Variants in MAF observed in about 807,000 individuals in gnomAD.
The protein encoded by MAF is MAF bZIP transcription factor.
A neutral mutation model predicts 22.0 loss-of-function variants in MAF; 10 were observed. That is an observed-to-expected ratio of 0.45 (90% CI 0.28 to 0.77). The LOEUF (loss-of-function observed/expected upper bound fraction) is 0.77. Ranked by LOEUF, MAF falls within the 30% of genes least tolerant of loss-of-function variation. The probability of loss-of-function intolerance (pLI) is 0.12; values close to 1 mark genes in which losing one functional copy is unlikely to be tolerated. For synonymous variants in MAF, 337 were observed against 255.8 expected (o/e 1.32, Z -3.03); for missense variants, 544 against 548.4 (o/e 0.99, Z 0.08).
chr16:79,515,272 T>C, the MAF span, among the ~76,000 whole-genome samples: 9 of 152,242 alleles, frequency 5.9e-5, no homozygotes, highest in Non-Finnish European at 1.2e-4. Context: ...TGGCGATTAG[T>C]GCCACTCATC....
At chr16:79,596,446 G>T (rs1354834645) in intron 1 of MAF, 1 of 1,053,572 alleles carries the variant, frequency 9.5e-7, no homozygotes, top group South Asian at 4.6e-5. Context: ...GTTGGGCCCA[G>T]TTAAACTGTA....
the MAF span, among the ~76,000 whole-genome samples, chr16:79,223,160 A>G: frequency 9.6e-4 from 146 of 152,314 alleles, no homozygotes; most frequent in African/African-American, 3.3e-3. Flanking sequence ...GGACAACATA[A>G]CAGTCTCTCA....
At chr16:79,329,601 G>A in the MAF span, among the ~76,000 whole-genome samples, 9,394 of 152,134 alleles carry the variant, frequency 0.062, 562 homozygotes, top group African/African-American at 0.16. Context: ...GAAATATGAT[G>A]GAAGTGGTTC....
chr16:79,350,045 T>C, the MAF span, among the ~76,000 whole-genome samples: 4 of 152,196 alleles, frequency 2.6e-5, no homozygotes, highest in Non-Finnish European at 4.4e-5. Flanking sequence ...TGCCCCAGCC[T>C]GAATCACATT....
chr16:79,390,684 C>A, the MAF span, among the ~76,000 whole-genome samples: 13 of 152,230 alleles, frequency 8.5e-5, no homozygotes, highest in East Asian at 2.3e-3. Flanking sequence ...GCTGCCAGGG[C>A]ACAGGAACTG....
At chr16:79,442,717 T>C in the MAF span, among the ~76,000 whole-genome samples, 1 of 152,200 alleles carries the variant, frequency 6.6e-6, no homozygotes, top group African/African-American at 2.4e-5. Context: ...TGGCTGAATC[T>C]TTTTCATATA....
the MAF span, among the ~76,000 whole-genome samples, chr16:79,235,761 A>G: frequency 2.0e-5 from 3 of 152,074 alleles, no homozygotes; most frequent in African/African-American, 7.2e-5. Flanking sequence ...AGTAAGTATT[A>G]AAAATAATGG....
the MAF span, among the ~76,000 whole-genome samples, chr16:79,370,184 T>C: frequency 1.3e-5 from 2 of 152,180 alleles, no homozygotes; most frequent in African/African-American, 4.8e-5. Context: ...AAAGGAGTAG[T>C]CTTAATAATT....
At chr16:79,423,409 G>A in the MAF span, among the ~76,000 whole-genome samples, 12 of 152,292 alleles carry the variant, frequency 7.9e-5, no homozygotes, top group African/African-American at 2.4e-4. Flanking sequence ...AAGGGCCGTG[G>A]AGGCTATGGT....
the MAF span, among the ~76,000 whole-genome samples, chr16:79,463,273 C>G: frequency 5.3e-5 from 8 of 152,216 alleles, no homozygotes; most frequent in African/African-American, 1.9e-4. Context: ...CTTTCACCCC[C>G]ACACACCATG....
chr16:79,509,045 T>A, the MAF span, among the ~76,000 whole-genome samples: 820 of 152,346 alleles, frequency 5.4e-3, 2 homozygotes, highest in Non-Finnish European at 8.5e-3. Flanking sequence ...AAATAATAAC[T>A]ATAATTCATG....
chr16:79,250,773 G>T, the MAF span, among the ~76,000 whole-genome samples: 5 of 152,130 alleles, frequency 3.3e-5, no homozygotes, highest in Non-Finnish European at 7.3e-5. Context: ...TTGATTCCAT[G>T]AGCTTCGGTT....
chr16:79,381,371 T>C, the MAF span, among the ~76,000 whole-genome samples: 2 of 152,244 alleles, frequency 1.3e-5, no homozygotes, highest in Non-Finnish European at 2.9e-5. Flanking sequence ...ACTCTGAATC[T>C]TTAAGGCTGA....
At chr16:79,233,418 A>G in the MAF span, among the ~76,000 whole-genome samples, 1 of 152,036 alleles carries the variant, frequency 6.6e-6, no homozygotes, top group South Asian at 2.1e-4. Flanking sequence ...ACGCTAAGTG[A>G]TAGCCCTAGA....
At chr16:79,332,276 T>C in the MAF span, among the ~76,000 whole-genome samples, 116,139 of 152,144 alleles carry the variant, frequency 0.76, 46,379 homozygotes, top group Non-Finnish European at 0.9. Context: ...CTAGGTAAGA[T>C]TGTAAAAAAT....
the MAF span, among the ~76,000 whole-genome samples, chr16:79,491,675 C>T: frequency 6.6e-6 from 1 of 152,158 alleles, no homozygotes; most frequent in Non-Finnish European, 1.5e-5. Flanking sequence ...ATATTCTGCT[C>T]CAGACAAGTA....
At chr16:79,487,295 A>G in the MAF span, among the ~76,000 whole-genome samples, 1 of 151,948 alleles carries the variant, frequency 6.6e-6, no homozygotes, top group African/African-American at 2.4e-5. Flanking sequence ...TAGTCAGAGT[A>G]GTGGTTTTTT....
the MAF span, among the ~76,000 whole-genome samples, chr16:79,324,763 T>C: frequency 2.0e-5 from 3 of 152,132 alleles, no homozygotes; most frequent in Non-Finnish European, 4.4e-5. Context: ...GGACTGTATT[T>C]GTTTTCTGCA....
chr16:79,495,901 G>A, the MAF span, among the ~76,000 whole-genome samples: 5,465 of 152,192 alleles, frequency 0.036, 307 homozygotes, highest in African/African-American at 0.12. Context: ...TGCCTTTATG[G>A]AGTTTCTATT....
Sources: allele counts gnomAD v4.1 joint callset (sites outside exome capture counted in the v4.1 genomes callset), GRCh38; gene constraint gnomAD v4.1.1; transcripts MANE v1.5; gene names NCBI Gene and HGNC (gene_info 2026-07-23, HGNC 2026-07-21).